Variants in NCAM1 observed in about 807,000 individuals in gnomAD.
The protein encoded by NCAM1 is antigen recognized by monoclonal antibody 5.1H11.
NCAM1 carries 14 observed loss-of-function variants against 109.8 expected under a neutral mutation model. The ratio of observed to expected loss-of-function variants is 0.13; its 90% CI spans 0.08 to 0.20. The LOEUF (loss-of-function observed/expected upper bound fraction) is 0.20, where lower values mean the gene tolerates loss of function less well. Among genes scored for constraint, NCAM1 ranks in the 10% least tolerant of loss-of-function variants. The pLI is 1.00. For synonymous variants in NCAM1, 418 were observed against 442.9 expected (o/e 0.94, Z 0.70); for missense variants, 774 against 1,109.9 (o/e 0.70, Z 4.30).
At chr11:113,173,994 G>A (rs1289143777) in intron 1 of NCAM1, among the ~76,000 whole-genome samples, 3 of 151,996 alleles carry the variant, frequency 2.0e-5, no homozygotes, top group African/African-American at 4.8e-5. Flanking sequence ...AATCTCCATG[G>A]CATGTTACCT....
At position 113,277,152 on chromosome 11, in the gene NCAM1, C is replaced by T. The variant is rs997751790; in HGVS notation, c.*1765C>T. The T allele has an allele frequency of 5.1e-6, 2 of 394,638 alleles. No homozygotes were observed. Among genetic ancestry groups the T allele is most frequent in the Admixed American group, 4.4e-5 (1 of 22,608 alleles). The allele number at this position is 394,638 out of a possible 1,614,324, so 24.4% of individuals were successfully genotyped here. A position where few individuals can be genotyped will look rare whatever the true frequency, so the allele number is the denominator to read the frequency against. On this transcript the variant is annotated 3_prime_UTR_variant, in exon 20 of 20. Transcript: ENST00000316851. ...TAAACAGAAATCAGTACTCCGCATG[C>T]GCTCCTCTCCTAAGGTACAAAGCAG...
intron 15 of NCAM1, among the ~76,000 whole-genome samples, chr11:113,251,719 C>T (rs1555121359): frequency 1.3e-5 from 2 of 152,166 alleles, no homozygotes; most frequent in Admixed American, 1.3e-4. Flanking sequence ...GCTGCTGAAT[C>T]GCAAACCAAC....
chr11:113,226,511 G>A (rs1202432866), intron 9 of NCAM1, among the ~76,000 whole-genome samples: 3 of 152,150 alleles, frequency 2.0e-5, no homozygotes, highest in Non-Finnish European at 4.4e-5. Flanking sequence ...GTCAACATTA[G>A]ACAGATCCAC....
intron 8 of NCAM1, 88 bp from the exon 9 acceptor site, chr11:113,221,208 A>G (rs566852902): frequency 5.3e-6 from 7 of 1,328,250 alleles, no homozygotes; most frequent in Non-Finnish European, 7.3e-6. Flanking sequence ...CTGCATGTGC[A>G]CGGAATGCAG....
chr11:113,038,888 G>T (rs948603868), intron 1 of NCAM1, among the ~76,000 whole-genome samples: 1 of 152,140 alleles, frequency 6.6e-6, no homozygotes, highest in African/African-American at 2.4e-5. Context: ...GCTTTCTTGG[G>T]AGAAACGAGT....
intron 1 of NCAM1, among the ~76,000 whole-genome samples, chr11:113,103,904 G>A (rs781958665): frequency 5.9e-5 from 9 of 151,866 alleles, no homozygotes; most frequent in Non-Finnish European, 1.2e-4. Context: ...ATGAATTATT[G>A]TTCTTCTTTT....
intron 7 of NCAM1, among the ~76,000 whole-genome samples, chr11:113,208,643 C>T (rs1454239818): frequency 1.3e-5 from 2 of 152,066 alleles, no homozygotes; most frequent in Non-Finnish European, 2.9e-5. Context: ...CTCTGCACTG[C>T]GACCACCCCC....
chr11:113,240,617 C>A lies in NCAM1; in HGVS notation c.1825+5453C>A, dbSNP rs1945292866. ...GTTTGACGTTAGAGAGAGCCCTGCTCCTCGCTAGTGCCCTGGCCAGCTGTT... is the reference window on the plus strand; with the variant it reads ...GTTTGACGTTAGAGAGAGCCCTGCTACTCGCTAGTGCCCTGGCCAGCTGTT... On this transcript the variant is annotated intron_variant, in intron 14 of 19. Transcript: ENST00000316851. 8 of 666,194 alleles carry A rather than the reference C, an allele frequency of 1.2e-5. No individual in the cohort carries two copies. The East Asian group carries it at 2.0e-4, about 17-fold the overall frequency. 41.3% of individuals were successfully genotyped at this position (666,194 alleles called of 1,614,324 possible). A position where few individuals can be genotyped will look rare whatever the true frequency, so the allele number is the denominator to read the frequency against.
chr11:113,119,406 G>C (rs1555095577), intron 1 of NCAM1, among the ~76,000 whole-genome samples: 1 of 152,182 alleles, frequency 6.6e-6, no homozygotes, highest in Non-Finnish European at 1.5e-5. Flanking sequence ...ATCAGCCACT[G>C]GTTCTATGAT....
intron 14 of NCAM1, chr11:113,246,074 G>A (rs1945493212): frequency 4.0e-6 from 2 of 495,268 alleles, no homozygotes; most frequent in East Asian, 6.2e-5. Context: ...TATTGGTGTT[G>A]TTAACCAAAT....
In NCAM1 at chr11:112,976,939, A is replaced by G. The variant is rs143656358; in HGVS notation, c.52+15275A>G. On this transcript the variant is annotated intron_variant, in intron 1 of 19. Coordinates refer to ENST00000316851, the MANE Select transcript of NCAM1 (RefSeq NM_181351.5). ...TCAGAGCAAAATGTTTGAGTTTTCA[A>G]TGATTTTTTCCTTAAAGCATTAGGT... Among the ~76,000 whole-genome samples, 551 of 151,692 alleles carry G rather than the reference A, an allele frequency of 3.6e-3. 2 individuals are homozygous for G. The highest frequency in any genetic ancestry group is 0.012 in the African/African-American group (490 of 41,390).
intron 1 of NCAM1, among the ~76,000 whole-genome samples, chr11:113,186,549 C>A (rs1245556093): frequency 1.3e-5 from 2 of 152,190 alleles, no homozygotes; most frequent in Admixed American, 6.5e-5. Context: ...AAGAATTGAC[C>A]TTTCTACCTC....
intron 15 of NCAM1, among the ~76,000 whole-genome samples, chr11:113,248,501 A>C (rs1945566567): frequency 6.6e-6 from 1 of 152,140 alleles, no homozygotes; most frequent in South Asian, 2.1e-4. Context: ...CCTGGGTATT[A>C]GCAAAGATTT....
At chr11:113,181,483 A>G (rs1343858929) in intron 1 of NCAM1, among the ~76,000 whole-genome samples, 1 of 152,152 alleles carries the variant, frequency 6.6e-6, no homozygotes, top group African/African-American at 2.4e-5. Flanking sequence ...ACGTGGACAC[A>G]TGGGATGCGG....
chr11:113,049,715 G>A (rs1361323777), intron 1 of NCAM1, among the ~76,000 whole-genome samples: 1 of 152,172 alleles, frequency 6.6e-6, no homozygotes, highest in African/African-American at 2.4e-5. Context: ...AATAGCAGGG[G>A]CTCTAACAGA....
At chr11:113,265,256 T>C in intron 17 of NCAM1, 2 of 723,516 alleles carry the variant, frequency 2.8e-6, no homozygotes, top group Non-Finnish European at 3.4e-6. Flanking sequence ...GCAAAGACCC[T>C]TTCCCTCCGC....
At chr11:112,987,020 T>C (rs1951324768) in intron 1 of NCAM1, among the ~76,000 whole-genome samples, 1 of 152,158 alleles carries the variant, frequency 6.6e-6, no homozygotes, top group African/African-American at 2.4e-5. Flanking sequence ...TTTTCCAATG[T>C]AGGCATTTAT....
At chr11:113,209,678 G>A (rs1944334141) in intron 7 of NCAM1, among the ~76,000 whole-genome samples, 1 of 152,160 alleles carries the variant, frequency 6.6e-6, no homozygotes, top group Non-Finnish European at 1.5e-5. Flanking sequence ...TGACTGCTGT[G>A]GACTCAGTCA....
intron 1 of NCAM1, among the ~76,000 whole-genome samples, chr11:113,170,598 A>G (rs1353373466): frequency 1.3e-5 from 2 of 152,170 alleles, no homozygotes; most frequent in East Asian, 3.8e-4. Flanking sequence ...AGGGAAGTGA[A>G]GGAAGAAGAG....
Sources: allele counts gnomAD v4.1 joint callset (sites outside exome capture counted in the v4.1 genomes callset), GRCh38; gene constraint gnomAD v4.1.1; transcripts MANE v1.5; gene names NCBI Gene and HGNC (gene_info 2026-07-23, HGNC 2026-07-21).